The following FAM117A variants were observed in gnomAD, a reference collection of about 807,000 sequenced individuals.
FAM117A encodes protein FAM117A.
In FAM117A, 21 loss-of-function variants were observed where a neutral mutation model predicts 44.1. That is an observed-to-expected ratio of 0.48 (90% CI 0.34 to 0.69). The LOEUF is 0.69. FAM117A is among the 30% of genes least tolerant of loss of function. FAM117A has a pLI of 0.01. For synonymous variants in FAM117A, 220 were observed against 238.3 expected, an observed-to-expected ratio of 0.92 and a Z score of 0.71; for missense variants, 498 against 589.9, an observed-to-expected ratio of 0.84 and a Z score of 1.61.
intron 1 of FAM117A, among the ~76,000 whole-genome samples, chr17:49,736,527 G>A (rs981121065): frequency 6.6e-6 from 1 of 152,194 alleles, no homozygotes; most frequent in African/African-American, 2.4e-5. Flanking sequence ...TTACATATGT[G>A]AGCCACTGCA....
intron 1 of FAM117A, among the ~76,000 whole-genome samples, chr17:49,774,378 G>A (rs1277737629): frequency 1.7e-5 from 1 of 58,142 alleles, no homozygotes; most frequent in Non-Finnish European, 3.7e-5. Flanking sequence ...TTTTTTTTTT[G>A]AGACGGAGTC....
intron 1 of FAM117A, among the ~76,000 whole-genome samples, chr17:49,769,769 T>C (rs1157118573): frequency 6.6e-5 from 10 of 152,016 alleles, no homozygotes; most frequent in Non-Finnish European, 1.2e-4. Flanking sequence ...TTAATGGTAC[T>C]CTAAGAAAAA....
At chr17:49,786,880 T>C (rs536070997) in intron 1 of FAM117A, among the ~76,000 whole-genome samples, 1 of 151,186 alleles carries the variant, frequency 6.6e-6, no homozygotes, top group East Asian at 1.9e-4. Flanking sequence ...GCTCAGTAGG[T>C]CGAGACCAGC....
intron 1 of FAM117A, among the ~76,000 whole-genome samples, chr17:49,744,936 C>T (rs1206469034): frequency 6.8e-6 from 1 of 146,696 alleles, no homozygotes; most frequent in Non-Finnish European, 1.5e-5. Context: ...ATTGCTTGAG[C>T]CAAGGAAGTC....
At position 49,711,507 on chromosome 17, in the gene FAM117A, G is replaced by A. The variant is rs2073478346; in HGVS notation, c.1110C>T (p.Asn370=). 1.2e-6 allele frequency: 2 copies of A among 1,614,080 alleles called. No individual in the cohort carries two copies. The highest frequency in any genetic ancestry group is 1.1e-5 in the South Asian group (1 of 91,086). The stretch of plus-strand genomic sequence containing the variant: ...AGCCAGTCGGGTTGAAATGGACTTT[G>A]TTCTTGTCAGGACAGGAAGTCAGGA... ...LAFLTSCPDK[N]KVHFNPTGSA... The change falls in exon 8 of 8, where the codon AAC becomes AAT. Residue 370 remains asparagine, a synonymous_variant. Coordinates refer to ENST00000240364, the MANE Select transcript of FAM117A (RefSeq NM_030802.4).
intron 7 of FAM117A, among the ~76,000 whole-genome samples, chr17:49,712,952 C>T (rs2073485366): frequency 6.6e-6 from 1 of 152,212 alleles, no homozygotes; most frequent in Admixed American, 6.5e-5. Context: ...TCATAGCTCA[C>T]TGCAGCCTCA....
At position 49,719,797 on chromosome 17, in the gene FAM117A, ACCT is replaced by A; in HGVS notation, c.668_670del (p.Glu223del). 1 of 1,601,330 alleles carries A rather than the reference ACCT, an allele frequency of 6.2e-7. No homozygotes were observed. The highest frequency in any genetic ancestry group is 8.5e-7 in the Non-Finnish European group (1 of 1,175,112). On this transcript the variant is annotated inframe_deletion, in exon 5 of 8. Coordinates refer to ENST00000240364, the MANE Select transcript of FAM117A (RefSeq NM_030802.4). ...CTCTTCTCCCTGCTCCTTCACAAAT[ACCT>A]CCTCCAGCTCTTGGTTGAGCCCTTC...
chr17:49,722,353 G>T, intron 3 of FAM117A, 146 bp downstream of exon 3: 1 of 652,892 alleles, frequency 1.5e-6, no homozygotes, highest in Non-Finnish European at 2.6e-6. Flanking sequence ...GAGTCAGCTA[G>T]GAAGGAGCCA....
intron 7 of FAM117A, among the ~76,000 whole-genome samples, chr17:49,715,159 C>T (rs1056170277): frequency 6.6e-6 from 1 of 152,144 alleles, no homozygotes; most frequent in Non-Finnish European, 1.5e-5. Flanking sequence ...CTGGCCTCTT[C>T]CCTCCACAGC....
chr17:49,764,324 G>A (rs1435951689), upstream of FAM117A, among the ~76,000 whole-genome samples: 1 of 152,082 alleles, frequency 6.6e-6, no homozygotes, highest in African/African-American at 2.4e-5. Flanking sequence ...CCCTCACACC[G>A]CCCCCTTCGG....
intron 1 of FAM117A, among the ~76,000 whole-genome samples, chr17:49,769,530 C>G (rs768662998): frequency 1.3e-5 from 2 of 151,338 alleles, no homozygotes; most frequent in Non-Finnish European, 2.9e-5. Context: ...AACCCCATCT[C>G]TACTAAAAAT....
intron 1 of FAM117A, among the ~76,000 whole-genome samples, chr17:49,736,187 T>A (rs1451511232): frequency 6.6e-6 from 1 of 152,216 alleles, no homozygotes; most frequent in African/African-American, 2.4e-5. Context: ...CAAATCAATA[T>A]ATATTGACAT....
At chr17:49,714,817 T>C (rs1000616413) in intron 7 of FAM117A, among the ~76,000 whole-genome samples, 2 of 151,978 alleles carry the variant, frequency 1.3e-5, no homozygotes, top group Non-Finnish European at 2.9e-5. Context: ...TGTCTAATTT[T>C]GTATTTTTAG....
chr17:49,749,305 C>T (rs1264623865), intron 1 of FAM117A, among the ~76,000 whole-genome samples: 1 of 152,042 alleles, frequency 6.6e-6, no homozygotes, highest in East Asian at 1.9e-4. Context: ...AGGCCAGGCG[C>T]AGTGGCTCAC....
intron 2 of FAM117A, among the ~76,000 whole-genome samples, chr17:49,727,340 G>A (rs113723157): frequency 4.6e-5 from 7 of 152,310 alleles, no homozygotes; most frequent in African/African-American, 1.7e-4. Context: ...GCTGGGAGGC[G>A]GAGGTTGCAG....
intron 1 of FAM117A, among the ~76,000 whole-genome samples, chr17:49,781,527 G>A (rs1490374134): frequency 1.3e-5 from 2 of 152,320 alleles, no homozygotes; most frequent in African/African-American, 4.8e-5. Context: ...GACACTCACT[G>A]CAGCATTATC....
At chr17:49,722,310 T>C (rs1258626114) in intron 3 of FAM117A, among the ~76,000 whole-genome samples, 189 bp downstream of exon 3, 1 of 152,166 alleles carries the variant, frequency 6.6e-6, no homozygotes, top group Non-Finnish European at 1.5e-5. Flanking sequence ...CAGGAGGGTC[T>C]GGGCTCCTAA....
intron 3 of FAM117A, 43 bp from the exon 4 acceptor site, chr17:49,720,479 G>T: frequency 6.6e-7 from 1 of 1,519,404 alleles, no homozygotes; most frequent in Non-Finnish European, 9.1e-7. Flanking sequence ...ATTAAGGAAA[G>T]CCAAAGTGCA....
At chr17:49,787,275 A>G (rs941941755) in intron 1 of FAM117A, among the ~76,000 whole-genome samples, 8 of 152,254 alleles carry the variant, frequency 5.3e-5, no homozygotes, top group Non-Finnish European at 7.3e-5. Flanking sequence ...GAGGGGCTAC[A>G]TGAAATTAAA....
Sources: gnomAD v4.1 joint callset for allele counts (sites outside exome capture counted in the v4.1 genomes callset) on GRCh38, gnomAD v4.1.1 for gene constraint, MANE v1.5 for transcripts, NCBI Gene and HGNC (gene_info 2026-07-23, HGNC 2026-07-21) for gene names.